The following GNAI2 variants were observed in gnomAD, a reference collection of about 807,000 sequenced individuals.
The protein encoded by GNAI2 is G protein subunit alpha i2, also known as guanine nucleotide-binding protein G(i) subunit alpha-2.
Under a neutral mutation model 36.8 loss-of-function variants are expected in GNAI2, and 4 were observed. The ratio of observed to expected loss-of-function variants is 0.11; its 90% CI spans 0.05 to 0.25. GNAI2 has a LOEUF of 0.25. GNAI2 is among the 10% of genes least tolerant of loss of function. The probability of loss-of-function intolerance (pLI) is 1.00; values close to 1 mark genes in which losing one functional copy is unlikely to be tolerated. For synonymous variants in GNAI2, 194 were observed against 194.1 expected (o/e 1.00, Z 0.01); for missense variants, 230 against 481.3 (o/e 0.48, Z 4.89).
rs1364242415 is a variant in GNAI2 at position 50,240,189 on chromosome 3, G to C, written c.118+3736G>C. On this transcript the variant is annotated intron_variant, in intron 1 of 8. Transcript: ENST00000313601. ...TGGTCTAGCTAGAGACAGATAGGAA[G>C]GGTTAGCTTGGGATTCTGGCTGGCT... 2.0e-5 allele frequency among the ~76,000 whole-genome samples: 3 copies of C among 152,318 alleles called. No individual in the cohort carries two copies. The South Asian group carries it at 6.2e-4, about 32-fold the overall frequency.
At chr3:50,232,636 C>G (rs1180811836), upstream of GNAI2, among the ~76,000 whole-genome samples, 2 of 152,204 alleles carry the variant, frequency 1.3e-5, no homozygotes, top group Non-Finnish European at 2.9e-5. Context: ...GGGGCTTCAT[C>G]TATTCTCAGG....
chr3:50,257,746 G>A, intron 8 of GNAI2, 32 bp downstream of exon 8: 1 of 1,324,948 alleles, frequency 7.5e-7, no homozygotes, highest in South Asian at 1.5e-5. Flanking sequence ...AGGGTGCTGG[G>A]GAAGAACTAA....
chr3:50,242,187 C>T lies in GNAI2; in HGVS notation c.118+5734C>T, dbSNP rs587595500. On this transcript the variant is annotated intron_variant, in intron 1 of 8. Transcript: ENST00000313601. This position sits in a 1 kb window ranked among gnomAD's most constrained non-coding sequence, Gnocchi z 4.8. ...CCCAAGCTCTTAGCCACTGAGGAAC[C>T]AGGGACTCCCCCCACCCCACCCACA... Among the ~76,000 whole-genome samples the T allele has an allele frequency of 1.3e-5, 2 of 152,240 alleles. No individual in the cohort carries two copies. The highest frequency in any genetic ancestry group is 4.1e-4 in the South Asian group (2 of 4,826).
In GNAI2 at chr3:50,242,619, C is replaced by A; in HGVS notation, c.118+6166C>A. Among the ~76,000 whole-genome samples, 1 of 152,266 alleles carries A rather than the reference C, an allele frequency of 6.6e-6. No homozygotes were observed. The highest frequency in any genetic ancestry group is 2.1e-4 in the South Asian group (1 of 4,824). ...TCTTACTAAACCCCAACCCCACCCT[C>A]ACCCTGATGTTACTTCTTGGGGCTG... On this transcript the variant is annotated intron_variant, in intron 1 of 8. Coordinates refer to ENST00000313601, the MANE Select transcript of GNAI2 (RefSeq NM_002070.4). The surrounding 1 kb of genome is among the most constrained non-coding windows in gnomAD (Gnocchi z 4.8).
In GNAI2 at chr3:50,256,208, G is replaced by A. The variant is rs1700699106; in HGVS notation, c.481G>A (p.Glu161Lys). ...DSAAYYLNDL[E>K]RIAQSDYIPT... is the part of the protein sequence containing the mutation. ...CATCCCCAGCTACCTGAACGACCTG[G>A]AGCGTATTGCACAGAGTGACTACAT... The change falls in exon 5 of 9, where the codon GAG becomes AAG. Residue 161 changes from glutamate to lysine, a missense_variant. This residue lies in a region of GNAI2 where 132 missense variants were observed against 247.4 expected (regional missense o/e 0.53). Coordinates refer to ENST00000313601, the MANE Select transcript of GNAI2 (RefSeq NM_002070.4). The A allele has an allele frequency of 6.3e-7, 1 of 1,598,684 alleles. No homozygotes were observed. The highest frequency in any genetic ancestry group is 1.4e-5 in the African/African-American group (1 of 74,002).
Position 50,252,575 on chromosome 3 carries a change from A to C in GNAI2, c.303+37A>C, listed in dbSNP as rs781872053. ...CCGCCCCACCCTCTCCCACCTCCCA[A>C]AAGGTTTCGGGGTGGCTGGTTGTGG... On this transcript the variant is annotated intron_variant, in intron 3 of 8. Coordinates refer to ENST00000313601, the MANE Select transcript of GNAI2 (RefSeq NM_002070.4). The surrounding 1 kb of genome is among the most constrained non-coding windows in gnomAD (Gnocchi z 4.1). The C allele has an allele frequency of 8.9e-6, 14 of 1,579,618 alleles. No homozygotes were observed. The highest frequency in any genetic ancestry group is 1.2e-5 in the Non-Finnish European group (14 of 1,155,338).
At chr3:50,234,143 T>C (rs1362158681), upstream of GNAI2, among the ~76,000 whole-genome samples, 1 of 147,866 alleles carries the variant, frequency 6.8e-6, no homozygotes, top group African/African-American at 2.5e-5. Flanking sequence ...CTCAGCTCAC[T>C]GCAAGCTCCG....
rs782636951 is a variant in GNAI2, at chr3:50,256,717, C to T, written c.594-6C>T. On this transcript the variant is annotated splice_region_variant and splice_polypyrimidine_tract_variant and intron_variant, in intron 5 of 8. Coordinates refer to ENST00000313601, the MANE Select transcript of GNAI2 (RefSeq NM_002070.4). ...TTCCTGGAACTAAGGTGATCTATAT[C>T]TGCAGGATGTTTGATGTGGGTGGTC... is the stretch of plus-strand genomic sequence containing the variant. 2 of 1,614,058 alleles carry T rather than the reference C, an allele frequency of 1.2e-6. No homozygotes were observed. The highest frequency in any genetic ancestry group is 2.7e-5 in the African/African-American group (2 of 75,062).
Position 50,258,635 on chromosome 3 carries a change from G to C in GNAI2, c.*292G>C, listed in dbSNP as rs1553703627. The C allele has an allele frequency of 9.4e-6, 3 of 320,688 alleles. No homozygotes were observed. Among genetic ancestry groups the C allele is most frequent in the Non-Finnish European group, 1.8e-5 (3 of 164,476 alleles). 19.9% of individuals were successfully genotyped at this position (320,688 alleles called of 1,614,324 possible). A position where few individuals can be genotyped will look rare whatever the true frequency, so the allele number is the denominator to read the frequency against. On this transcript the variant is annotated 3_prime_UTR_variant, in exon 9 of 9. Coordinates refer to ENST00000313601, the MANE Select transcript of GNAI2 (RefSeq NM_002070.4). ...ACCATTGTCTTGTTCTGTGATGAGG[G>C]GAGGGGGGCACATGCTGAGTCTCCC...
At chr3:50,250,971 G>A (rs1553702369) in intron 1 of GNAI2, among the ~76,000 whole-genome samples, 1 of 152,160 alleles carries the variant, frequency 6.6e-6, no homozygotes, top group East Asian at 1.9e-4. Flanking sequence ...CACCACGCCT[G>A]GCTAGTTTTT....
chr3:50,252,334 C>T lies in GNAI2; in HGVS notation c.162-63C>T. ...TCTCTGAAGCAGGTCCCAGTAGCCC[C>T]AGGCAGCCGTGGGAACTCCCAGTGC... is the stretch of plus-strand genomic sequence containing the variant. On this transcript the variant is annotated intron_variant, in intron 2 of 8. Transcript: ENST00000313601. This position sits in a 1 kb window ranked among gnomAD's most constrained non-coding sequence, Gnocchi z 4.1. 1 of 1,574,718 alleles carries T rather than the reference C, an allele frequency of 6.4e-7. No individual in the cohort carries two copies. The highest frequency in any genetic ancestry group is 8.7e-7 in the Non-Finnish European group (1 of 1,146,350).
In GNAI2 at chr3:50,237,915, A is replaced by G. The variant is rs1700216529; in HGVS notation, c.118+1462A>G. Among the ~76,000 whole-genome samples, 4 of 152,224 alleles carry G rather than the reference A, an allele frequency of 2.6e-5. 1 individual carries two copies. In the South Asian group the frequency reaches 8.3e-4, roughly 31 times the overall value. ...GCTTTTCGTGCTGGACCTGTGGCCG[A>G]GGAACAGCATGTATGTCCATTATGG... On this transcript the variant is annotated intron_variant, in intron 1 of 8. Transcript: ENST00000313601.
intron 1 of GNAI2, among the ~76,000 whole-genome samples, chr3:50,245,231 C>G (rs1453144434): frequency 6.6e-6 from 1 of 152,134 alleles, no homozygotes; most frequent in Non-Finnish European, 1.5e-5. Context: ...CTCCTGACCT[C>G]AGGTGATCCG....
chr3:50,242,102 G>A lies in GNAI2; in HGVS notation c.118+5649G>A. On this transcript the variant is annotated intron_variant, in intron 1 of 8. Coordinates refer to ENST00000313601, the MANE Select transcript of GNAI2 (RefSeq NM_002070.4). The surrounding 1 kb of genome is among the most constrained non-coding windows in gnomAD (Gnocchi z 4.8). ...TTGGTCCCTGGCTGTGACTCTCTCA[G>A]TCTGTCTCTAAAAGCCACCCATTCA... Among the ~76,000 whole-genome samples, 1 of 152,146 alleles carries A rather than the reference G, an allele frequency of 6.6e-6. No homozygotes were observed. Among genetic ancestry groups the A allele is most frequent in the East Asian group, 1.9e-4 (1 of 5,184 alleles).
chr3:50,236,745 T>C lies in GNAI2; in HGVS notation c.118+292T>C, dbSNP rs1316791134. On this transcript the variant is annotated intron_variant, in intron 1 of 8. Coordinates refer to ENST00000313601, the MANE Select transcript of GNAI2 (RefSeq NM_002070.4). The surrounding 1 kb of genome is among the most constrained non-coding windows in gnomAD (Gnocchi z 4.0). ...GGCCATCCCCCCTTGCTAACTAGCT[T>C]CACAGAACTTCAGAGCCCCGCCATC... 6.6e-6 allele frequency among the ~76,000 whole-genome samples: 1 copy of C among 151,680 alleles called. No homozygotes were observed. The highest frequency in any genetic ancestry group is 1.5e-5 in the Non-Finnish European group (1 of 67,936).
Position 50,257,570 on chromosome 3 carries a change from C to T in GNAI2, c.948C>T (p.Asp316=). ...TTGAGGACCTGAATAAGCGCAAAGA[C>T]ACCAAGGAGATCTACACGCACTTCA... The part of the protein sequence containing the change: ...SKFEDLNKRK[D]TKEIYTHFTC... Residue 316 remains aspartate, a synonymous_variant, in exon 8 of 9, where the codon GAC becomes GAT. Transcript: ENST00000313601. The T allele has an allele frequency of 1.4e-6, 2 of 1,458,032 alleles. No homozygotes were observed. The highest frequency in any genetic ancestry group is 2.6e-5 in the East Asian group (1 of 38,740). The allele number at this position is 1,458,032 out of a possible 1,614,324, so 90.3% of individuals were successfully genotyped here. A position where few individuals can be genotyped will look rare whatever the true frequency, so the allele number is the denominator to read the frequency against.
At chr3:50,244,271 C>G (rs1351443314) in intron 1 of GNAI2, among the ~76,000 whole-genome samples, 1 of 152,116 alleles carries the variant, frequency 6.6e-6, no homozygotes, top group Non-Finnish European at 1.5e-5. Flanking sequence ...TCAAGTGATT[C>G]GCCTGCCTCG....
rs926527892 is a variant in GNAI2 at position 50,230,828 on chromosome 3, G to C, written c.-209G>C. ...TCAAGTCATGCCTCCTCTGGTGCTC[G>C]TGAGGCCCTGGCTAGGCAGCTGCCC... On this transcript the variant is annotated 5_prime_UTR_variant, in exon 1 of 9. Transcript: ENST00000266027. The C allele has an allele frequency of 1.3e-5, 13 of 985,424 alleles. No individual in the cohort carries two copies. In the South Asian group the frequency reaches 4.2e-4, roughly 32 times the overall value. 61.0% of individuals were successfully genotyped at this position (985,424 alleles called of 1,614,324 possible).
chr3:50,236,316 C>G lies in GNAI2; in HGVS notation c.-20C>G. On this transcript the variant is annotated 5_prime_UTR_variant, in exon 1 of 9. Coordinates refer to ENST00000313601, the MANE Select transcript of GNAI2 (RefSeq NM_002070.4). The surrounding 1 kb of genome is among the most constrained non-coding windows in gnomAD (Gnocchi z 4.0). Reference sequence around the variant, plus strand: ...GGGCCGTGTGGGGGCCGGGCGGCGGCCGGGCCGGCGGACGGCGGGATGGGC... The same window carrying G: ...GGGCCGTGTGGGGGCCGGGCGGCGGGCGGGCCGGCGGACGGCGGGATGGGC... 1 of 1,369,312 alleles carries G rather than the reference C, an allele frequency of 7.3e-7. No individual in the cohort carries two copies. Among genetic ancestry groups the G allele is most frequent in the Non-Finnish European group, 9.4e-7 (1 of 1,061,980 alleles). The allele number at this position is 1,369,312 out of a possible 1,614,324, so 84.8% of individuals were successfully genotyped here.
Sources: allele counts gnomAD v4.1 joint callset (sites outside exome capture counted in the v4.1 genomes callset), GRCh38; gene constraint gnomAD v4.1.1; regional missense constraint gnomAD v4.1.1; non-coding constraint Gnocchi (gnomAD v3.1); transcripts MANE v1.5; gene names NCBI Gene and HGNC (gene_info 2026-07-23, HGNC 2026-07-21).